The following LRRC7 variants were observed in gnomAD, a reference collection of about 807,000 sequenced individuals.
The protein encoded by LRRC7 is leucine rich repeat containing 7, also known as leucine-rich repeat-containing protein 7.
LRRC7 carries 23 observed loss-of-function variants against 175.7 expected under a neutral mutation model. That is an observed-to-expected ratio of 0.13 (90% CI 0.09 to 0.19). LRRC7 has a LOEUF of 0.19. Among genes scored for constraint, LRRC7 ranks in the 10% least tolerant of loss-of-function variants. The pLI is 1.00. For synonymous variants in LRRC7, 685 were observed against 680.9 expected (o/e 1.01, Z -0.09); for missense variants, 1,354 against 1,904.7 (o/e 0.71, Z 5.38).
chr1:69,911,455 C>T (rs1646528442), intron 7 of LRRC7, among the ~76,000 whole-genome samples: 2 of 152,176 alleles, frequency 1.3e-5, no homozygotes, highest in South Asian at 4.1e-4. Flanking sequence ...ACAACCTCAC[C>T]ATCATCTGTG....
chr1:70,028,326 A>G lies in LRRC7; in HGVS notation c.1950A>G (p.Lys650=). Residue 650 remains lysine, a synonymous_variant, in exon 18 of 27, where the codon AAA becomes AAG. Coordinates refer to ENST00000651989, the MANE Select transcript of LRRC7 (RefSeq NM_001370785.2). ...ACACGGAGCAAACTGTGAAAGAAAAATATGAACACAAGTGGCCGGTAGCCC... is the reference window on the plus strand; with the variant it reads ...ACACGGAGCAAACTGTGAAAGAAAAGTATGAACACAAGTGGCCGGTAGCCC... The part of the protein sequence containing the change: ...TANTEQTVKE[K]YEHKWPVAPK... The G allele has an allele frequency of 6.2e-7, 1 of 1,613,698 alleles. No individual in the cohort carries two copies. The highest frequency in any genetic ancestry group is 8.5e-7 in the Non-Finnish European group (1 of 1,179,750).
chr1:69,928,752 G>C (rs1018045814), intron 7 of LRRC7, among the ~76,000 whole-genome samples: 3 of 152,230 alleles, frequency 2.0e-5, no homozygotes. Flanking sequence ...TTGACCCCTT[G>C]CGCTTCCCAA....
chr1:69,943,004 A>G (rs1648895152), intron 8 of LRRC7, among the ~76,000 whole-genome samples: 3 of 152,212 alleles, frequency 2.0e-5, no homozygotes, highest in South Asian at 4.1e-4. Flanking sequence ...ATCAGCTATC[A>G]TTAGTGTTAG....
intron 7 of LRRC7, chr1:69,874,807 A>G (rs1453122456): frequency 1.3e-5 from 2 of 152,030 alleles, no homozygotes; most frequent in East Asian, 3.9e-4. Context: ...AATTGTGTAA[A>G]TGCTGATTTT....
intron 2 of LRRC7, among the ~76,000 whole-genome samples, chr1:69,691,952 A>T (rs745453870): frequency 2.6e-5 from 4 of 152,186 alleles, no homozygotes; most frequent in East Asian, 1.9e-4. Context: ...TATTGACAAG[A>T]TATCAGACAT....
chr1:69,910,265 CT>C (rs909224156), intron 7 of LRRC7, among the ~76,000 whole-genome samples: 12 of 152,184 alleles, frequency 7.9e-5, no homozygotes, highest in African/African-American at 2.9e-4. Flanking sequence ...AGGTGCTCTG[CT>C]TTTTAGAGGT....
intron 4 of LRRC7, among the ~76,000 whole-genome samples, chr1:69,812,258 A>G (rs1025541086): frequency 1.3e-5 from 2 of 152,122 alleles, no homozygotes; most frequent in Non-Finnish European, 1.5e-5. Context: ...ATCCCAACGT[A>G]GTTTAAATCC....
At chr1:69,906,304 T>A (rs1646308970) in intron 7 of LRRC7, among the ~76,000 whole-genome samples, 1 of 152,228 alleles carries the variant, frequency 6.6e-6, no homozygotes, top group Non-Finnish European at 1.5e-5. Context: ...TTGCCATTGC[T>A]TTTGGTGTTT....
intron 2 of LRRC7, among the ~76,000 whole-genome samples, chr1:69,725,151 G>T (rs953295570): frequency 6.6e-6 from 1 of 151,992 alleles, no homozygotes; most frequent in Non-Finnish European, 1.5e-5. Flanking sequence ...AAAAGACAAT[G>T]TTATTTAAAA....
At chr1:69,585,614 A>T (rs567864198) in intron 1 of LRRC7, among the ~76,000 whole-genome samples, 1 of 152,200 alleles carries the variant, frequency 6.6e-6, no homozygotes, top group Non-Finnish European at 1.5e-5. Flanking sequence ...CATCATATGT[A>T]TAAGTATCTA....
chr1:70,107,196 A>G (rs1665204843), intron 25 of LRRC7, among the ~76,000 whole-genome samples: 1 of 152,218 alleles, frequency 6.6e-6, no homozygotes, highest in South Asian at 2.1e-4. Context: ...TTTATTTAAA[A>G]TGCATGTTCC....
chr1:69,601,029 T>G (rs942848538), intron 1 of LRRC7, among the ~76,000 whole-genome samples: 2 of 152,106 alleles, frequency 1.3e-5, no homozygotes, highest in Admixed American at 1.3e-4. Flanking sequence ...CTGGCCAGGC[T>G]GGTCTTGAAC....
At chr1:69,670,069 G>A (rs978234626) in intron 1 of LRRC7, among the ~76,000 whole-genome samples, 8 of 152,102 alleles carry the variant, frequency 5.3e-5, no homozygotes, top group Admixed American at 4.6e-4. Context: ...TGTCTCCAAA[G>A]TTGGTCTCTA....
chr1:69,798,811 G>T (rs1216264726), intron 4 of LRRC7, among the ~76,000 whole-genome samples: 4 of 151,952 alleles, frequency 2.6e-5, no homozygotes, highest in Non-Finnish European at 5.9e-5. Flanking sequence ...ATTTGCCTTT[G>T]GTGTTAGTTA....
chr1:69,900,252 G>A (rs1389876268), intron 7 of LRRC7, among the ~76,000 whole-genome samples: 1 of 152,028 alleles, frequency 6.6e-6, no homozygotes, highest in African/African-American at 2.4e-5. Context: ...TAGTTTTTAT[G>A]GGATCACAAG....
intron 4 of LRRC7, among the ~76,000 whole-genome samples, chr1:69,799,464 G>T (rs1339800955): frequency 6.6e-6 from 1 of 151,992 alleles, no homozygotes; most frequent in Non-Finnish European, 1.5e-5. Flanking sequence ...TGCAATATTT[G>T]ACTTTCTGTC....
intron 1 of LRRC7, among the ~76,000 whole-genome samples, chr1:69,642,108 G>A (rs972790038): frequency 1.3e-5 from 2 of 151,780 alleles, no homozygotes; most frequent in African/African-American, 4.8e-5. Context: ...CTTTGAGGAA[G>A]CAATAATAGT....
chr1:69,718,724 T>G lies in LRRC7; in HGVS notation c.100+40246T>G, dbSNP rs77306228. Among the ~76,000 whole-genome samples the G allele has an allele frequency of 4.2e-3, 640 of 151,814 alleles. 10 individuals carry two copies. Among genetic ancestry groups the G allele is most frequent in the African/African-American group, 0.015 (616 of 41,496 alleles). ...AAGAGGAATTAGCCACAGAAACTGATAGAAATAAGAGAAAAACTGACTTCC... is the reference window on the plus strand; with the variant it reads ...AAGAGGAATTAGCCACAGAAACTGAGAGAAATAAGAGAAAAACTGACTTCC... On this transcript the variant is annotated intron_variant, in intron 2 of 26. Transcript: ENST00000651989.
rs2102289524 is a variant in LRRC7 at position 70,140,963 on chromosome 1, C to A, written c.*19076C>A. ...ATAAACAACTTTCCTCAGTTCGCAA[C>A]TGAGGTGTAGCCCAGGGAATAAGTA... On this transcript the variant is annotated 3_prime_UTR_variant, in exon 27 of 27. Transcript: ENST00000651989. 6.6e-6 allele frequency among the ~76,000 whole-genome samples: 1 copy of A among 152,222 alleles called. No individual in the cohort carries two copies. The highest frequency in any genetic ancestry group is 1.9e-4 in the East Asian group (1 of 5,176).
Sources: allele counts gnomAD v4.1 joint callset (sites outside exome capture counted in the v4.1 genomes callset), GRCh38; gene constraint gnomAD v4.1.1; transcripts MANE v1.5; gene names NCBI Gene and HGNC (gene_info 2026-07-23, HGNC 2026-07-21).